Variants in SPG11 observed in about 807,000 individuals in gnomAD.
SPG11 encodes spatacsin.
In SPG11, 222 loss-of-function variants were observed where a neutral mutation model predicts 274.0. The ratio of observed to expected loss-of-function variants is 0.81; its 90% CI spans 0.73 to 0.91. The LOEUF (loss-of-function observed/expected upper bound fraction) is 0.91. Ranked by LOEUF, SPG11 falls within the 40% of genes least tolerant of loss-of-function variation. SPG11 has a pLI of 0.00. For missense variants in SPG11, 3,114 were observed against 2,872.7 expected, an observed-to-expected ratio of 1.08 and a Z score of -1.92; for synonymous variants, 1,144 against 1,039.7, an observed-to-expected ratio of 1.10 and a Z score of -1.93.
chr15:44,599,135 CA>C (rs1295103165), intron 21 of SPG11, among the ~76,000 whole-genome samples: 1 of 152,020 alleles, frequency 6.6e-6, no homozygotes, highest in Non-Finnish European at 1.5e-5. Flanking sequence ...GAAAGACTGC[CA>C]ACTTGTGATC....
rs138103656 is a variant in SPG11, at chr15:44,596,152, C to T, written c.4365G>A (p.Trp1455Ter). Residue 1455 changes from tryptophan (W) to a stop codon, truncating the protein, a stop_gained, in exon 25 of 40, where the codon TGG becomes TGA. Transcript: ENST00000261866. LOFTEE classifies it high-confidence loss of function. ...LLQCSEEPDS[W>*]HWLLVEAVKQ... ...TCACTGCTTCAACCAGAAGCCAGTGCCAGGAGTCTGGCTCCTCTGAGCATT... is the reference window on the plus strand; with the variant it reads ...TCACTGCTTCAACCAGAAGCCAGTGTCAGGAGTCTGGCTCCTCTGAGCATT... 1 of 1,614,118 alleles carries T rather than the reference C, an allele frequency of 6.2e-7. No individual in the cohort carries two copies. Among genetic ancestry groups the T allele is most frequent in the Admixed American group, 1.7e-5 (1 of 60,018 alleles).
chr15:44,600,161 AAAC>A lies in SPG11; in HGVS notation c.3686+303_3686+305del, dbSNP rs781554976. The A allele has an allele frequency of 2.7e-5, 7 of 255,650 alleles. No individual in the cohort carries two copies. The East Asian group carries it at 4.8e-4, about 18-fold the overall frequency. 15.8% of individuals were successfully genotyped at this position (255,650 alleles called of 1,614,324 possible). A position where few individuals can be genotyped will look rare whatever the true frequency, so the allele number is the denominator to read the frequency against. On this transcript the variant is annotated intron_variant, in intron 21 of 39. Coordinates refer to ENST00000261866, the MANE Select transcript of SPG11 (RefSeq NM_025137.4). ...AGGACACACAGGGAAGCACAAATGA[AAAC>A]AACAATAATCACCATCCAAATGTAA...
At chr15:44,598,237 A>G (rs2083093375) in intron 23 of SPG11, 28 bp downstream of exon 23, 1 of 1,559,406 alleles carries the variant, frequency 6.4e-7, no homozygotes. Context: ...GCTTGTTAGA[A>G]AAGAGGCTGA....
intron 38 of SPG11, among the ~76,000 whole-genome samples, chr15:44,565,195 G>C (rs1414786424): frequency 6.6e-6 from 1 of 152,214 alleles, no homozygotes; most frequent in Non-Finnish European, 1.5e-5. Context: ...ACTAACCTGA[G>C]TGTGCCATTC....
At chr15:44,569,281 T>C in intron 35 of SPG11, 117 bp downstream of exon 35, 1 of 795,364 alleles carries the variant, frequency 1.3e-6, no homozygotes, top group Non-Finnish European at 2.2e-6. Flanking sequence ...AGGTCCCTAA[T>C]TCCTTCCCTC....
intron 19 of SPG11, 98 bp downstream of exon 19, chr15:44,608,346 C>T (rs1459029039): frequency 7.6e-7 from 1 of 1,313,774 alleles, no homozygotes; most frequent in African/African-American, 1.5e-5. Context: ...TAAGTAATTC[C>T]CTACATTAAA....
At chr15:44,564,117 C>G (rs1038400832) in intron 39 of SPG11, among the ~76,000 whole-genome samples, 3 of 152,060 alleles carry the variant, frequency 2.0e-5, no homozygotes, top group Non-Finnish European at 4.4e-5. Context: ...CTCAGCCTCC[C>G]GAGTAGCTGG....
At chr15:44,596,660 C>CA (rs5812279) in intron 24 of SPG11, 124 bp downstream of exon 24, 3,046 of 269,346 alleles carry the variant, frequency 0.011, 5 homozygotes, top group Middle Eastern at 0.018. Context: ...GTATCCTGGT[C>CA]AAAAAAAAAA....
rs1300000065 is a variant in SPG11, at chr15:44,563,183, C to T, written c.7270G>A (p.Val2424Ile). Residue 2424 changes from valine (V) to isoleucine (I), a missense_variant, in exon 40 of 40, where the codon GTA (valine) becomes ATA (isoleucine). By Grantham distance (29) the Val-to-Ile change is conservative. Transcript: ENST00000261866. The part of the protein sequence containing the change: ...LAYEHKFYEI[V>I]NVLLKDPQTG... ...TGAGGGTCCTTCAGAAGCACATTTA[C>T]AATTTCATAAAACTTGTGTTCGTAT... is the stretch of plus-strand genomic sequence containing the variant. 95 of 1,614,088 alleles carry T rather than the reference C, an allele frequency of 5.9e-5. No individual in the cohort carries two copies. Among genetic ancestry groups the T allele is most frequent in the Non-Finnish European group, 7.7e-5 (91 of 1,180,044 alleles).
At chr15:44,612,250 A>G (rs1291201876) in intron 17 of SPG11, among the ~76,000 whole-genome samples, 1 of 152,226 alleles carries the variant, frequency 6.6e-6, no homozygotes, top group East Asian at 1.9e-4. Flanking sequence ...AGCTCAATAA[A>G]TATTTGTTGG....
In SPG11 at chr15:44,644,432, C is replaced by T. The variant is rs531085831; in HGVS notation, c.1602+4434G>A. ...ATTGAAGAAACATATCTCAAAATAT[C>T]AAGAGCCATTTATGAAAAACCCATA... On this transcript the variant is annotated intron_variant, in intron 7 of 39. Coordinates refer to ENST00000261866, the MANE Select transcript of SPG11 (RefSeq NM_025137.4). 2.0e-5 allele frequency among the ~76,000 whole-genome samples: 3 copies of T among 152,198 alleles called. No individual in the cohort carries two copies. The South Asian group carries it at 6.2e-4, about 32-fold the overall frequency.
intron 2 of SPG11, 86 bp from the exon 3 acceptor site, chr15:44,659,389 A>G: frequency 1.6e-5 from 20 of 1,236,632 alleles, no homozygotes; most frequent in Non-Finnish European, 2.3e-5. Context: ...AATACAAAAA[A>G]GTAAAACAAA....
Position 44,563,104 on chromosome 15 carries a change from G to A in SPG11, c.*17C>T. ...AATCTGCTAACAGTACAAGAAAACAGACACCTATGAAATCATCTAACCTGC... is the reference window on the plus strand; with the variant it reads ...AATCTGCTAACAGTACAAGAAAACAAACACCTATGAAATCATCTAACCTGC... On this transcript the variant is annotated 3_prime_UTR_variant, in exon 40 of 40. Coordinates refer to ENST00000261866, the MANE Select transcript of SPG11 (RefSeq NM_025137.4). The A allele has an allele frequency of 1.2e-6, 2 of 1,612,974 alleles. No homozygotes were observed. The highest frequency in any genetic ancestry group is 1.7e-6 in the Non-Finnish European group (2 of 1,179,190).
rs1555383956 is a variant in SPG11 at position 44,663,406 on chromosome 15, T to G, written c.242A>C (p.Glu81Ala). 6.2e-7 allele frequency: 1 copy of G among 1,607,694 alleles called. No homozygotes were observed. The highest frequency in any genetic ancestry group is 8.5e-7 in the Non-Finnish European group (1 of 1,177,740). ...GSRGGGRCCL[E>A]GPFWHFLWED... is the part of the protein sequence containing the mutation. Reference sequence around the variant, plus strand: ...CAGCACTTACTGCCAGAAGGGGCCCTCCAGGCAGCAGCGACCCCCGCCCCG... The same window carrying G: ...CAGCACTTACTGCCAGAAGGGGCCCGCCAGGCAGCAGCGACCCCCGCCCCG... The change falls in exon 1 of 40, where the codon GAG (glutamate) becomes GCG (alanine). Residue 81 changes from glutamate (E) to alanine (A), a missense_variant. Transcript: ENST00000261866.
At chr15:44,630,377 G>A (rs1397261961) in intron 8 of SPG11, among the ~76,000 whole-genome samples, 1 of 152,180 alleles carries the variant, frequency 6.6e-6, no homozygotes, top group African/African-American at 2.4e-5. Flanking sequence ...GCAGGTGAGA[G>A]TGGAATGAGG....
chr15:44,609,754 C>T (rs1196952730), intron 18 of SPG11, among the ~76,000 whole-genome samples: 3 of 146,438 alleles, frequency 2.0e-5, no homozygotes, highest in Non-Finnish European at 3.0e-5. Context: ...TTTTTTGAGA[C>T]AAGGTCTCAC....
chr15:44,568,704 A>G (rs1185260466), intron 35 of SPG11, among the ~76,000 whole-genome samples: 1 of 151,772 alleles, frequency 6.6e-6, no homozygotes, highest in Non-Finnish European at 1.5e-5. Flanking sequence ...TAGCAGCACA[A>G]TTTTTCACAG....
chr15:44,586,251 G>A (rs1449131272), intron 28 of SPG11, among the ~76,000 whole-genome samples: 1 of 152,050 alleles, frequency 6.6e-6, no homozygotes, highest in African/African-American at 2.4e-5. Context: ...TGGTTGACTA[G>A]CAGAGGAAGC....
intron 7 of SPG11, among the ~76,000 whole-genome samples, chr15:44,639,612 G>T (rs1185141503): frequency 6.6e-6 from 1 of 151,956 alleles, no homozygotes; most frequent in Admixed American, 6.6e-5. Context: ...TCACATGGGG[G>T]TATCCCTTGC....
Sources: gnomAD v4.1 joint callset for allele counts (sites outside exome capture counted in the v4.1 genomes callset) on GRCh38, gnomAD v4.1.1 for gene constraint, MANE v1.5 for transcripts, NCBI Gene and HGNC (gene_info 2026-07-23, HGNC 2026-07-21) for gene names.